The following ZNF26 variants were observed in gnomAD, a reference collection of about 807,000 sequenced individuals.
ZNF26 encodes the protein epididymis luminal protein 179.
ZNF26 carries 32 observed loss-of-function variants against 54.9 expected under a neutral mutation model. That is an observed-to-expected ratio of 0.58 (90% confidence interval 0.44 to 0.78). The LOEUF (loss-of-function observed/expected upper bound fraction) is 0.78, where lower values mean the gene tolerates loss of function less well. ZNF26 is among the 30% of genes least tolerant of loss of function. The pLI, the probability that ZNF26 is intolerant of heterozygous loss-of-function variation, is 0.00. For missense variants in ZNF26, 524 were observed against 634.0 expected, an observed-to-expected ratio of 0.83 and a Z score of 1.86; for synonymous variants, 221 against 209.2, an observed-to-expected ratio of 1.06 and a Z score of -0.49.
At chr12:133,000,377 G>A (rs989805203) in intron 1 of ZNF26, among the ~76,000 whole-genome samples, 194 of 149,048 alleles carry the variant, frequency 1.3e-3, no homozygotes, top group African/African-American at 4.6e-3. Context: ...TCAGCCTCCC[G>A]AGTAGTGGGG....
intron 1 of ZNF26, among the ~76,000 whole-genome samples, chr12:133,000,400 C>T (rs1479928279): frequency 2.9e-4 from 42 of 146,678 alleles, no homozygotes; most frequent in Non-Finnish European, 4.9e-4. Flanking sequence ...TACAGGCATG[C>T]GCCGCCATAC....
rs889942864 is a variant in ZNF26, at chr12:133,016,534, T to C, written c.*5053T>C. 1.4e-3 allele frequency: 217 copies of C among 151,062 alleles called. 1 individual carries two copies. The highest frequency in any genetic ancestry group is 0.01 in the Middle Eastern group (3 of 292). 9.4% of individuals were successfully genotyped at this position (151,062 alleles called of 1,614,324 possible). ...GGCTGGGTGCAGTGGCTTATGCCTA[T>C]AATCCCAACACTTTGGGAGGCAGGA... On this transcript the variant is annotated 3_prime_UTR_variant, in exon 4 of 4. Coordinates refer to ENST00000328654, the MANE Select transcript of ZNF26 (RefSeq NM_019591.4).
At position 133,010,307 on chromosome 12, in the gene ZNF26, G is replaced by T. The variant is rs922345868; in HGVS notation, c.428G>T (p.Arg143Ile). 3.7e-6 allele frequency: 6 copies of T among 1,613,838 alleles called. No homozygotes were observed. In the African/African-American group the frequency reaches 8.0e-5, roughly 22 times the overall value. ...TTGACACAAAACTCAGCTCCAAGCAGAAGTTATTTAAGAAAGAATCCTGAT... is the reference window on the plus strand; with the variant it reads ...TTGACACAAAACTCAGCTCCAAGCATAAGTTATTTAAGAAAGAATCCTGAT... ...KSLTQNSAPS[R>I]SYLRKNPDKF... is the part of the protein sequence containing the mutation. The change falls in exon 4 of 4, where the codon AGA becomes ATA. Residue 143 changes from arginine (R) to isoleucine (I), a missense_variant. Physicochemically the swap from Arg to Ile is moderately conservative, Grantham distance 97. Transcript: ENST00000328654.
Position 133,016,975 on chromosome 12 carries a change from C to A in ZNF26, c.*5494C>A, listed in dbSNP as rs1687254598. The A allele has an allele frequency of 2.0e-5, 3 of 151,952 alleles. No individual in the cohort carries two copies. The South Asian group carries it at 6.2e-4, about 32-fold the overall frequency. The allele number at this position is 151,952 out of a possible 1,614,324, so 9.4% of individuals were successfully genotyped here. On this transcript the variant is annotated 3_prime_UTR_variant, in exon 4 of 4. Coordinates refer to ENST00000328654, the MANE Select transcript of ZNF26 (RefSeq NM_019591.4). ...TCAGAAGACAGTAAAAGAATGTCTT[C>A]AATGTTCTGAAAGAAAATATCTACC...
chr12:132,989,671 G>C (rs1593630077), intron 1 of ZNF26, among the ~76,000 whole-genome samples: 1 of 152,308 alleles, frequency 6.6e-6, no homozygotes, highest in African/African-American at 2.4e-5. Flanking sequence ...TTCCACGTGT[G>C]AGGACTCAAA....
In ZNF26 at chr12:133,021,945, G is replaced by A. The variant is rs1316642240; in HGVS notation, c.*10464G>A. 1 of 152,092 alleles carries A rather than the reference G, an allele frequency of 6.6e-6. No homozygotes were observed. Among genetic ancestry groups the A allele is most frequent in the African/African-American group, 2.4e-5 (1 of 41,416 alleles). The allele number at this position is 152,092 out of a possible 1,614,324, so 9.4% of individuals were successfully genotyped here. ...TCAAATCATTAAAAAGAGGCCAGGT[G>A]TGGTGACTCACGCCTGTAATCCCAG... On this transcript the variant is annotated 3_prime_UTR_variant, in exon 4 of 4. Transcript: ENST00000328654.
Position 133,019,735 on chromosome 12 carries a change from G to A in ZNF26, c.*8254G>A, listed in dbSNP as rs207473569. 13 of 152,348 alleles carry A rather than the reference G, an allele frequency of 8.5e-5. No individual in the cohort carries two copies. Among genetic ancestry groups the A allele is most frequent in the African/African-American group, 2.9e-4 (12 of 41,558 alleles). 9.4% of individuals were successfully genotyped at this position (152,348 alleles called of 1,614,324 possible). On this transcript the variant is annotated 3_prime_UTR_variant, in exon 4 of 4. Transcript: ENST00000328654. ...CTACTGGGTGAAAAGCCAAAAGAAA[G>A]GAAATCAGTACATCAAAGAGACACC... is the stretch of plus-strand genomic sequence containing the variant.
rs1403790703 is a variant in ZNF26 at position 133,026,557 on chromosome 12, C to G, written c.*15076C>G. 7.7e-6 allele frequency: 1 copy of G among 130,450 alleles called. No individual in the cohort carries two copies. The highest frequency in any genetic ancestry group is 1.5e-5 in the Non-Finnish European group (1 of 65,010). 8.1% of individuals were successfully genotyped at this position (130,450 alleles called of 1,614,324 possible). On this transcript the variant is annotated 3_prime_UTR_variant, in exon 4 of 4. Coordinates refer to ENST00000328654, the MANE Select transcript of ZNF26 (RefSeq NM_019591.4). ...TTTTTTTTTTTTTGATACAGAGTCT[C>G]GTTCTGTCACCCAGGCTGGAGTGCA...
At chr12:132,992,324 T>C (rs1307760523) in intron 1 of ZNF26, among the ~76,000 whole-genome samples, 1 of 152,148 alleles carries the variant, frequency 6.6e-6, no homozygotes, top group Admixed American at 6.6e-5. Context: ...TTTTTTTTTC[T>C]CTAAACACCT....
In ZNF26 at chr12:133,023,331, T is replaced by C. The variant is rs1953665109; in HGVS notation, c.*11850T>C. ...TCAGTGAAATATAGCAAAGCCCAGA[T>C]GGATGTCCAATAAAATTTTAGCAAA... On this transcript the variant is annotated 3_prime_UTR_variant, in exon 4 of 4. Transcript: ENST00000328654. 2.0e-5 allele frequency: 3 copies of C among 152,192 alleles called. No individual in the cohort carries two copies. The highest frequency in any genetic ancestry group is 1.3e-4 in the Admixed American group (2 of 15,272). The allele number at this position is 152,192 out of a possible 1,614,324, so 9.4% of individuals were successfully genotyped here. A position where few individuals can be genotyped will look rare whatever the true frequency, so the allele number is the denominator to read the frequency against.
chr12:132,988,834 T>C (rs1952883880), intron 1 of ZNF26, among the ~76,000 whole-genome samples: 1 of 152,164 alleles, frequency 6.6e-6, no homozygotes, highest in Non-Finnish European at 1.5e-5. Flanking sequence ...ATAGATTTTA[T>C]ATAGTATCAT....
intron 1 of ZNF26, among the ~76,000 whole-genome samples, chr12:132,989,891 G>A (rs1448623385): frequency 6.6e-6 from 1 of 152,166 alleles, no homozygotes; most frequent in Non-Finnish European, 1.5e-5. Context: ...GTTAGTTGTA[G>A]CATTTTTCTT....
rs1952823783 is a variant in ZNF26 at position 132,986,583 on chromosome 12, C to A, written c.-258C>A. ...CGGGGCCAGATCAGCCTCCTGCTCT[C>A]CCGAGTCAGGGCCACGGAAAGGCAC... is the stretch of plus-strand genomic sequence containing the variant. On this transcript the variant is annotated 5_prime_UTR_variant, in exon 1 of 4. Transcript: ENST00000328654. 3.5e-6 allele frequency: 2 copies of A among 575,342 alleles called. No homozygotes were observed. Among genetic ancestry groups the A allele is most frequent in the Non-Finnish European group, 6.2e-6 (2 of 321,114 alleles). 35.6% of individuals were successfully genotyped at this position (575,342 alleles called of 1,614,324 possible). A position where few individuals can be genotyped will look rare whatever the true frequency, so the allele number is the denominator to read the frequency against.
Position 132,986,693 on chromosome 12 carries a change from G to A in ZNF26, c.-148G>A. On this transcript the variant is annotated 5_prime_UTR_variant, in exon 1 of 4. Coordinates refer to ENST00000328654, the MANE Select transcript of ZNF26 (RefSeq NM_019591.4). ...TGTGTTGGGCGAGAGCTGAGGAGCC[G>A]GCGTCCCTGCCAACGACTCGGCCCC... The A allele has an allele frequency of 1.3e-6, 1 of 761,372 alleles. No homozygotes were observed. Among genetic ancestry groups the A allele is most frequent in the Non-Finnish European group, 2.1e-6 (1 of 474,484 alleles). The allele number at this position is 761,372 out of a possible 1,614,324, so 47.2% of individuals were successfully genotyped here. A position where few individuals can be genotyped will look rare whatever the true frequency, so the allele number is the denominator to read the frequency against.
intron 1 of ZNF26, among the ~76,000 whole-genome samples, chr12:132,988,048 G>A (rs1007473896): frequency 2.0e-5 from 3 of 152,084 alleles, no homozygotes; most frequent in African/African-American, 7.2e-5. Context: ...TCGCTCTGTC[G>A]CCCAGGCTGG....
rs979857751 is a variant in ZNF26, at chr12:133,019,250, A to G, written c.*7769A>G. The G allele has an allele frequency of 2.0e-5, 3 of 152,146 alleles. No homozygotes were observed. The highest frequency in any genetic ancestry group is 4.4e-5 in the Non-Finnish European group (3 of 68,024). The allele number at this position is 152,146 out of a possible 1,614,324, so 9.4% of individuals were successfully genotyped here. On this transcript the variant is annotated 3_prime_UTR_variant, in exon 4 of 4. Transcript: ENST00000328654. ...GAGGAAATAACAAAATAAAGAGACAACCCACAGATTGGGAGAAAATATTTG... is the reference window on the plus strand; with the variant it reads ...GAGGAAATAACAAAATAAAGAGACAGCCCACAGATTGGGAGAAAATATTTG...
chr12:133,008,893 G>C (rs1186693773), intron 3 of ZNF26, among the ~76,000 whole-genome samples: 3 of 152,130 alleles, frequency 2.0e-5, no homozygotes, highest in Non-Finnish European at 4.4e-5. Context: ...CTTCTAGGGA[G>C]GTCTCAGGTA....
rs982053558 is a variant in ZNF26, at chr12:133,023,914, G to A, written c.*12433G>A. On this transcript the variant is annotated 3_prime_UTR_variant, in exon 4 of 4. Coordinates refer to ENST00000328654, the MANE Select transcript of ZNF26 (RefSeq NM_019591.4). ...ATAATCCATATAGAGAAACCACATA[G>A]AGAGGCTCTGAGATTACATAAAGAG... The A allele has an allele frequency of 6.6e-5, 10 of 152,216 alleles. No individual in the cohort carries two copies. Among genetic ancestry groups the A allele is most frequent in the African/African-American group, 2.2e-4 (9 of 41,452 alleles). 9.4% of individuals were successfully genotyped at this position (152,216 alleles called of 1,614,324 possible).
At chr12:133,007,300 T>G (rs1953352550) in intron 2 of ZNF26, 132 bp downstream of exon 2, 2 of 1,332,720 alleles carry the variant, frequency 1.5e-6, no homozygotes, top group African/African-American at 1.5e-5. Flanking sequence ...TCAAATTTCC[T>G]TAGTCCCTGT....
Sources: allele counts gnomAD v4.1 joint callset (sites outside exome capture counted in the v4.1 genomes callset), GRCh38; gene constraint gnomAD v4.1.1; transcripts MANE v1.5; gene names NCBI Gene and HGNC (gene_info 2026-07-23, HGNC 2026-07-21).